Variants in PCMTD2 observed in about 807,000 individuals in gnomAD.
The protein encoded by PCMTD2 is protein-L-isoaspartate O-methyltransferase domain-containing protein 2.
Under a neutral mutation model 33.4 loss-of-function variants are expected in PCMTD2, and 16 were observed. That is an observed-to-expected ratio of 0.48 (90% CI 0.32 to 0.73). The LOEUF (loss-of-function observed/expected upper bound fraction) is 0.73. PCMTD2 is among the 30% of genes least tolerant of loss of function. The pLI is 0.03. For synonymous variants in PCMTD2, 161 were observed against 160.8 expected (o/e 1.00, Z -0.01); for missense variants, 374 against 449.9 (o/e 0.83, Z 1.53).
chr20:64,276,132 C>T lies in PCMTD2; in HGVS notation c.*2532C>T, dbSNP rs1413263632. 2 of 152,122 alleles carry T rather than the reference C, an allele frequency of 1.3e-5. No individual in the cohort carries two copies. Among genetic ancestry groups the T allele is most frequent in the African/African-American group, 4.8e-5 (2 of 41,412 alleles). 9.4% of individuals were successfully genotyped at this position (152,122 alleles called of 1,614,324 possible). A position where few individuals can be genotyped will look rare whatever the true frequency, so the allele number is the denominator to read the frequency against. ...TTTATTAACATCATGTGTTTACTTT[C>T]AGCAAATATTTGTATTACTGCTTGA... On this transcript the variant is annotated 3_prime_UTR_variant, in exon 6 of 6. Coordinates refer to ENST00000308824, the MANE Select transcript of PCMTD2 (RefSeq NM_018257.3).
At chr20:64,271,984 C>T (rs555726956) in intron 5 of PCMTD2, 2 of 314,424 alleles carry the variant, frequency 6.4e-6, no homozygotes, top group South Asian at 5.3e-5. Flanking sequence ...GGAGCCGGGT[C>T]ACAGATGGGG....
At chr20:64,259,770 T>G in intron 1 of PCMTD2, 172 bp from the exon 2 acceptor site, 1 of 554,028 alleles carries the variant, frequency 1.8e-6, no homozygotes, top group Non-Finnish European at 3.2e-6. Context: ...GGGATTTTTT[T>G]TCCTTCTAAA....
At chr20:64,267,136 G>A (rs1985692065) in intron 4 of PCMTD2, among the ~76,000 whole-genome samples, 1 of 152,226 alleles carries the variant, frequency 6.6e-6, no homozygotes, top group Non-Finnish European at 1.5e-5. Context: ...TTTGTGACCT[G>A]TGTAGGCCAC....
rs551668016 is a variant in PCMTD2, at chr20:64,266,659, C to T, written c.583-1228C>T. Among the ~76,000 whole-genome samples, 4 of 152,346 alleles carry T rather than the reference C, an allele frequency of 2.6e-5. No homozygotes were observed. The South Asian group carries it at 6.2e-4, about 24-fold the overall frequency. On this transcript the variant is annotated intron_variant, in intron 4 of 5. Transcript: ENST00000308824. ...TCACCTCAGCCTCCAGAGTTGTTGG[C>T]ATGAGCCATCACACCTGGCAGAATA...
chr20:64,273,256 C>T lies in PCMTD2; in HGVS notation c.742C>T (p.Arg248Cys). Residue 248 changes from arginine to cysteine, a missense_variant, in exon 6 of 6, where the codon CGC becomes TGC. Arg to Cys is a radical substitution (Grantham distance 180). Transcript: ENST00000308824. ...AGTTCGCAGCCTCCAGGACTTGGCT[C>T]GCATCGCCATCCGGGGCACCATTAA... ...VAVRSLQDLA[R>C]IAIRGTIKKI... 3 of 1,613,978 alleles carry T rather than the reference C, an allele frequency of 1.9e-6. No individual in the cohort carries two copies. The highest frequency in any genetic ancestry group is 1.3e-5 in the African/African-American group (1 of 75,014).
At chr20:64,272,005 G>C in intron 5 of PCMTD2, 1 of 342,724 alleles carries the variant, frequency 2.9e-6, no homozygotes, top group African/African-American at 2.1e-5. Context: ...CAAGAGGCAC[G>C]ATCGTGGTGT....
Position 64,265,499 on chromosome 20 carries a change from T to C in PCMTD2, c.582+70T>C, listed in dbSNP as rs558120672. 2.0e-5 allele frequency: 24 copies of C among 1,174,622 alleles called. No individual in the cohort carries two copies. In the African/African-American group the frequency reaches 2.9e-4, roughly 14 times the overall value. 72.8% of individuals were successfully genotyped at this position (1,174,622 alleles called of 1,614,324 possible). On this transcript the variant is annotated intron_variant, in intron 4 of 5. Transcript: ENST00000308824. ...AGGTCTGTTCTGGGCAGTGTACGGA[T>C]ACTTACTCTTTTAACAATTTCCTGC...
At chr20:64,263,896 C>T (rs943561297) in intron 2 of PCMTD2, among the ~76,000 whole-genome samples, 1 of 152,124 alleles carries the variant, frequency 6.6e-6, no homozygotes, top group Non-Finnish European at 1.5e-5. Flanking sequence ...AGTTTTATAT[C>T]GGGGGAGCAC....
Position 64,275,222 on chromosome 20 carries a change from G to C in PCMTD2, c.*1622G>C, listed in dbSNP as rs1986062274. ...TTGTTGCCTTTTAACTCATAGTCAAGCTTCAGTCTTTCAAAGAGAAATGTG... is the reference window on the plus strand; with the variant it reads ...TTGTTGCCTTTTAACTCATAGTCAACCTTCAGTCTTTCAAAGAGAAATGTG... On this transcript the variant is annotated 3_prime_UTR_variant, in exon 6 of 6. Transcript: ENST00000308824. 6.6e-6 allele frequency: 1 copy of C among 152,116 alleles called. No individual in the cohort carries two copies. The highest frequency in any genetic ancestry group is 2.4e-5 in the African/African-American group (1 of 41,424). 9.4% of individuals were successfully genotyped at this position (152,116 alleles called of 1,614,324 possible).
Position 64,275,936 on chromosome 20 carries a change from T to G in PCMTD2, c.*2336T>G, listed in dbSNP as rs1302192707. 6.6e-6 allele frequency: 1 copy of G among 152,222 alleles called. No homozygotes were observed. The highest frequency in any genetic ancestry group is 1.5e-5 in the Non-Finnish European group (1 of 68,038). The allele number at this position is 152,222 out of a possible 1,614,324, so 9.4% of individuals were successfully genotyped here. The stretch of plus-strand genomic sequence containing the variant: ...AAAATACTTTTTACCAGTCTGGAAC[T>G]TGGGAAAATCCAGGGAATTTGAAAC... On this transcript the variant is annotated 3_prime_UTR_variant, in exon 6 of 6. Coordinates refer to ENST00000308824, the MANE Select transcript of PCMTD2 (RefSeq NM_018257.3).
intron 2 of PCMTD2, 104 bp from the exon 3 acceptor site, chr20:64,264,325 A>T: frequency 1.5e-6 from 1 of 660,920 alleles, no homozygotes; most frequent in Non-Finnish European, 2.7e-6. Context: ...GAATGTCTGT[A>T]GTTACACATG....
intron 5 of PCMTD2, among the ~76,000 whole-genome samples, chr20:64,270,770 G>A (rs6011382): frequency 0.15 from 16,453 of 111,930 alleles, 1,273 homozygotes; most frequent in South Asian, 0.24. Flanking sequence ...GTTGTGATAC[G>A]TACAATGGTA....
rs766602518 is a variant in PCMTD2 at position 64,273,340 on chromosome 20, A to C, written c.826A>C (p.Arg276=). 2 of 1,614,142 alleles carry C rather than the reference A, an allele frequency of 1.2e-6. No individual in the cohort carries two copies. The highest frequency in any genetic ancestry group is 1.7e-6 in the Non-Finnish European group (2 of 1,179,956). The part of the protein sequence containing the change: ...KNGNGLKNTP[R]FKRRRVRRRR... ...CGGAAACGGACTAAAGAACACCCCC[A>C]GGTTTAAACGAAGGAGAGTTCGCCG... Residue 276 remains arginine, a synonymous_variant, in exon 6 of 6, where the codon AGG becomes CGG. Coordinates refer to ENST00000308824, the MANE Select transcript of PCMTD2 (RefSeq NM_018257.3).
At chr20:64,258,002 G>C (rs949949501) in intron 1 of PCMTD2, among the ~76,000 whole-genome samples, 8 of 152,220 alleles carry the variant, frequency 5.3e-5, no homozygotes, top group Non-Finnish European at 1.2e-4. Context: ...TTAAGGCAGA[G>C]TTCAAAATAA....
intron 5 of PCMTD2, among the ~76,000 whole-genome samples, chr20:64,270,576 T>A (rs1337820031): frequency 2.0e-5 from 3 of 152,054 alleles, no homozygotes; most frequent in African/African-American, 7.2e-5. Flanking sequence ...AGTGAAGATA[T>A]GTGTGGTGTG....
chr20:64,265,194 A>G (rs1985605126), intron 3 of PCMTD2, 64 bp from the exon 4 acceptor site: 2 of 1,231,536 alleles, frequency 1.6e-6, no homozygotes, highest in East Asian at 2.4e-5. Flanking sequence ...GTTAGCATAG[A>G]TTTACTGTAT....
chr20:64,268,868 C>G (rs116793166), intron 5 of PCMTD2, among the ~76,000 whole-genome samples: 1 of 152,180 alleles, frequency 6.6e-6, no homozygotes, highest in African/African-American at 2.4e-5. Flanking sequence ...GAACTAGACA[C>G]GGTTCTTGAA....
intron 2 of PCMTD2, among the ~76,000 whole-genome samples, chr20:64,264,021 A>T (rs971167681): frequency 6.6e-6 from 1 of 152,232 alleles, no homozygotes; most frequent in Non-Finnish European, 1.5e-5. Flanking sequence ...TATCTTAATG[A>T]TGATGATTGA....
At chr20:64,267,685 A>G (rs1381739224) in intron 4 of PCMTD2, among the ~76,000 whole-genome samples, 1 of 152,214 alleles carries the variant, frequency 6.6e-6, no homozygotes, top group Non-Finnish European at 1.5e-5. Context: ...TAGGGCCTGA[A>G]TATATTCAGG....
Sources: gnomAD v4.1 joint callset for allele counts (sites outside exome capture counted in the v4.1 genomes callset) on GRCh38, gnomAD v4.1.1 for gene constraint, MANE v1.5 for transcripts, NCBI Gene and HGNC (gene_info 2026-07-23, HGNC 2026-07-21) for gene names.